The following LRRC43 variants were observed in gnomAD, a reference collection of about 807,000 sequenced individuals.
LRRC43 encodes leucine-rich repeat-containing protein 43.
LRRC43 carries 62 observed loss-of-function variants against 64.3 expected under a neutral mutation model. The ratio of observed to expected loss-of-function variants is 0.96; its 90% CI spans 0.79 to 1.19. The LOEUF (loss-of-function observed/expected upper bound fraction) is 1.19, where lower values mean the gene tolerates loss of function less well. Ranked by LOEUF, LRRC43 falls within the 50% of genes most tolerant of loss-of-function variation. LRRC43 has a pLI of 0.00. For synonymous variants in LRRC43, 422 were observed against 382.3 expected, an observed-to-expected ratio of 1.10 and a Z score of -1.21; for missense variants, 868 against 845.0, an observed-to-expected ratio of 1.03 and a Z score of -0.34.
At position 122,190,366 on chromosome 12, in the gene LRRC43, G is replaced by C; in HGVS notation, c.899G>C (p.Gly300Ala). Residue 300 changes from glycine to alanine, a missense_variant and splice_region_variant, in exon 5 of 12, where the codon GGC becomes GCC. By Grantham distance (60) the Gly-to-Ala change is moderately conservative (BLOSUM62 0). Transcript: ENST00000339777. ...KHLFRGLSLN[G>A]DLLAQEAQFV... ...CTCTTCCGGGGGCTCAGCCTCAATG[G>C]CGGTGAGGGTACTGGCATGCAGGGA... 6.2e-7 allele frequency: 1 copy of C among 1,611,712 alleles called. No individual in the cohort carries two copies. The highest frequency in any genetic ancestry group is 8.5e-7 in the Non-Finnish European group (1 of 1,178,058).
chr12:122,197,609 T>C (rs746811265), intron 7 of LRRC43, among the ~76,000 whole-genome samples: 2 of 152,058 alleles, frequency 1.3e-5, no homozygotes, highest in Non-Finnish European at 2.9e-5. Flanking sequence ...ATTTAAACTG[T>C]TTCTCACAGG....
chr12:122,192,862 G>T lies in LRRC43; in HGVS notation c.1207G>T (p.Glu403Ter). The change falls in exon 7 of 12, where the codon GAG becomes TAG. Residue 403 changes from glutamate (E) to a stop codon, truncating the protein, a stop_gained. Coordinates refer to ENST00000339777, the MANE Select transcript of LRRC43 (RefSeq NM_001098519.2). LOFTEE classifies it high-confidence loss of function. Reference sequence around the variant, plus strand: ...TACTGAAGAGGTCGAAGGGTCTCTGGAGTCTGAGGTGGAGGAGTCAGGAGA... The same window carrying T: ...TACTGAAGAGGTCGAAGGGTCTCTGTAGTCTGAGGTGGAGGAGTCAGGAGA... Reference protein sequence around the residue: ...EVTEEVEGSLESEVEESGESE... With the variant: ...EVTEEVEGSL 12 of 1,614,192 alleles carry T rather than the reference G, an allele frequency of 7.4e-6. No homozygotes were observed. The highest frequency in any genetic ancestry group is 1.0e-5 in the Non-Finnish European group (12 of 1,180,034).
Position 122,184,742 on chromosome 12 carries a change from A to C in LRRC43, c.374A>C (p.Tyr125Ser). The change falls in exon 2 of 12, where the codon TAC becomes TCC. Residue 125 changes from tyrosine (Y) to serine (S), a missense_variant. Coordinates refer to ENST00000339777, the MANE Select transcript of LRRC43 (RefSeq NM_001098519.2). The surrounding 1 kb of genome is among the most constrained non-coding windows in gnomAD (Gnocchi z 4.0). ...CTGACGATCACAGACACCTTCTTCT[A>C]CTCCTACTTCCGGTCCCTGCGGGTA... is the stretch of plus-strand genomic sequence containing the variant. ...NPLTITDTFFYSYFRSLRVID... is the reference protein window; with the variant it reads ...NPLTITDTFFSSYFRSLRVID... 9 of 1,611,450 alleles carry C rather than the reference A, an allele frequency of 5.6e-6. No homozygotes were observed. The highest frequency in any genetic ancestry group is 7.6e-6 in the Non-Finnish European group (9 of 1,178,880).
chr12:122,196,533 C>T (rs58270183), intron 7 of LRRC43, among the ~76,000 whole-genome samples: 7,566 of 152,048 alleles, frequency 0.05, 585 homozygotes, highest in African/African-American at 0.17. Flanking sequence ...TTTGGGAGGC[C>T]GAGGCAGGCA....
chr12:122,169,715 CAAA>C (rs1156784202), intron 1 of LRRC43, among the ~76,000 whole-genome samples: 1,091 of 49,562 alleles, frequency 0.022, 25 homozygotes, highest in African/African-American at 0.066. Flanking sequence ...GACTCCGTCT[CAAA>C]AAAAAAAAAA....
At chr12:122,197,749 A>G (rs1953787029) in intron 7 of LRRC43, among the ~76,000 whole-genome samples, 1 of 151,938 alleles carries the variant, frequency 6.6e-6, no homozygotes, top group Non-Finnish European at 1.5e-5. Flanking sequence ...GCAGAGGAGT[A>G]ATGAGATCAG....
chr12:122,183,024 T>C (rs1465870760), upstream of LRRC43: 2 of 1,395,150 alleles, frequency 1.4e-6, no homozygotes, highest in Non-Finnish European at 1.9e-6. Context: ...ACGCAGGTGG[T>C]TGGGGCCAGG....
rs748214798 is a variant in LRRC43 at position 122,183,158 on chromosome 12, ACGAGTCCGAGTC to A, written c.27_38del (p.Ser11_Glu14del). 13 of 1,548,538 alleles carry A rather than the reference ACGAGTCCGAGTC, an allele frequency of 8.4e-6. No homozygotes were observed. The highest frequency in any genetic ancestry group is 1.4e-5 in the African/African-American group (1 of 72,166). On this transcript the variant is annotated inframe_deletion, in exon 1 of 12. Coordinates refer to ENST00000339777, the MANE Select transcript of LRRC43 (RefSeq NM_001098519.2). ...GCGGCCCGGGCCATGGAGGCGTCGTACGAGTCCGAGTCCGAGTCCGAGTCTGAGGCCGGGCCT... is the reference window on the plus strand; with the variant it reads ...GCGGCCCGGGCCATGGAGGCGTCGTACGAGTCCGAGTCTGAGGCCGGGCCT...
At chr12:122,187,571 G>A in intron 3 of LRRC43, 130 bp from the exon 4 acceptor site, 1 of 655,666 alleles carries the variant, frequency 1.5e-6, no homozygotes, top group Non-Finnish European at 2.5e-6. Context: ...GAGTCGGGGT[G>A]GTGCCAGGGA....
At chr12:122,203,195 AC>A in intron 11 of LRRC43, 119 bp from the exon 12 acceptor site, 1 of 1,016,398 alleles carries the variant, frequency 9.8e-7, no homozygotes, top group Non-Finnish European at 1.4e-6. Flanking sequence ...ACACCCGAGG[AC>A]CAAAACTGTG....
At chr12:122,192,235 C>T (rs1174803579) in intron 6 of LRRC43, among the ~76,000 whole-genome samples, 1 of 152,164 alleles carries the variant, frequency 6.6e-6, no homozygotes, top group Non-Finnish European at 1.5e-5. Context: ...CCTCTGGGTT[C>T]AAGTGATTCT....
intron 7 of LRRC43, among the ~76,000 whole-genome samples, chr12:122,196,199 A>T (rs2136055174): frequency 6.6e-6 from 1 of 152,364 alleles, no homozygotes; most frequent in South Asian, 2.1e-4. Context: ...AGGTTTGTCC[A>T]GTATAGTCTA....
chr12:122,199,368 C>T (rs1222834968), intron 7 of LRRC43, among the ~76,000 whole-genome samples: 1 of 151,044 alleles, frequency 6.6e-6, no homozygotes, highest in Non-Finnish European at 1.5e-5. Flanking sequence ...CTGCAACCTC[C>T]ACCTCCCAGG....
At position 122,192,844 on chromosome 12, in the gene LRRC43, G is replaced by A. The variant is rs780319452; in HGVS notation, c.1189G>A (p.Glu397Lys). 1 of 1,614,176 alleles carries A rather than the reference G, an allele frequency of 6.2e-7. No homozygotes were observed. Among genetic ancestry groups the A allele is most frequent in the Non-Finnish European group, 8.5e-7 (1 of 1,180,030 alleles). Reference protein sequence around the residue: ...IEDIVEEVTEEVEGSLESEVE... With the variant: ...IEDIVEEVTEKVEGSLESEVE... Reference sequence around the variant, plus strand: ...AGACATTGTTGAAGAGGTTACTGAAGAGGTCGAAGGGTCTCTGGAGTCTGA... The same window carrying A: ...AGACATTGTTGAAGAGGTTACTGAAAAGGTCGAAGGGTCTCTGGAGTCTGA... The change falls in exon 7 of 12, where the codon GAG becomes AAG. Residue 397 changes from glutamate (E) to lysine (K), a missense_variant. By Grantham distance (56) the Glu-to-Lys change is moderately conservative (BLOSUM62 1). Coordinates refer to ENST00000339777, the MANE Select transcript of LRRC43 (RefSeq NM_001098519.2).
Position 122,191,466 on chromosome 12 carries a change from A to T in LRRC43, c.988A>T (p.Arg330Trp), listed in dbSNP as rs11060167. 2 of 1,613,832 alleles carry T rather than the reference A, an allele frequency of 1.2e-6. No homozygotes were observed. The highest frequency in any genetic ancestry group is 1.1e-5 in the South Asian group (1 of 91,070). Residue 330 changes from arginine (R) to tryptophan (W), a missense_variant, in exon 6 of 12, where the codon AGG becomes TGG. Arg to Trp is a moderately radical substitution (Grantham distance 101). Transcript: ENST00000339777. Reference sequence around the variant, plus strand: ...CACCTCTGTCTTAGACCCGGAACCCAGGCCCGAAGGCCCTTTCATCACTTA... The same window carrying T: ...CACCTCTGTCTTAGACCCGGAACCCTGGCCCGAAGGCCCTTTCATCACTTA... ...LDTSVLDPEPRPEGPFITYNY... is the reference protein window; with the variant it reads ...LDTSVLDPEPWPEGPFITYNY...
rs556698413 is a variant in LRRC43 at position 122,187,763 on chromosome 12, C to A, written c.585C>A (p.Ala195=). ...AGTGTCTGTGTGCCCACCCACCCGC[C>A]GGCCTGCAGCACTTGGGGTTAGGCC... The part of the protein sequence containing the change: ...SMECLCAHPP[A]GLQHLGLGHN... The change falls in exon 4 of 12, where the codon GCC becomes GCA. Residue 195 remains alanine (A), a synonymous_variant. Coordinates refer to ENST00000339777, the MANE Select transcript of LRRC43 (RefSeq NM_001098519.2). 1 of 1,613,926 alleles carries A rather than the reference C, an allele frequency of 6.2e-7. No homozygotes were observed. The highest frequency in any genetic ancestry group is 1.7e-5 in the Admixed American group (1 of 59,986).
chr12:122,189,339 G>A (rs747929710), intron 4 of LRRC43: 17 of 444,532 alleles, frequency 3.8e-5, no homozygotes, highest in Admixed American at 2.6e-4. Flanking sequence ...TGGAGCGGGC[G>A]GACGCAGCAG....
intron 2 of LRRC43, 81 bp from the exon 3 acceptor site, chr12:122,186,109 T>G: frequency 1.3e-6 from 1 of 768,470 alleles, no homozygotes; most frequent in Non-Finnish European, 2.3e-6. Context: ...GAGGAGCCGC[T>G]GTCTTCCTAA....
intron 1 of LRRC43, among the ~76,000 whole-genome samples, chr12:122,168,416 G>A (rs1953458654): frequency 6.6e-6 from 1 of 151,352 alleles, no homozygotes; most frequent in South Asian, 2.1e-4. Flanking sequence ...ACTCTAACCT[G>A]GGCAACAAAG....
Sources: allele counts gnomAD v4.1 joint callset (sites outside exome capture counted in the v4.1 genomes callset), GRCh38; gene constraint gnomAD v4.1.1; non-coding constraint Gnocchi (gnomAD v3.1); transcripts MANE v1.5; gene names NCBI Gene and HGNC (gene_info 2026-07-23, HGNC 2026-07-21).